SPRYD4: variants seen among roughly 807,000 people sequenced by gnomAD.
The protein encoded by SPRYD4 is SPRY domain containing 4.
In SPRYD4, 12 loss-of-function variants were observed where a neutral mutation model predicts 16.6. That is an observed-to-expected ratio of 0.72 (90% CI 0.46 to 1.17). The LOEUF (loss-of-function observed/expected upper bound fraction) is 1.17. Among genes scored for constraint, SPRYD4 ranks in the 50% most tolerant of loss-of-function variants. SPRYD4 has a pLI of 0.00. For missense variants in SPRYD4, 260 were observed against 260.2 expected, an observed-to-expected ratio of 1.00 and a Z score of 0.00; for synonymous variants, 98 against 105.4, an observed-to-expected ratio of 0.93 and a Z score of 0.43.
Position 56,475,998 on chromosome 12 carries a change from G to A in SPRYD4, c.*6421G>A. ...TCCATCTGCAGAGAAAGAGAGAGATGTCAGCATTCTAAGTGTAGGAGGATG... is the reference window on the plus strand; with the variant it reads ...TCCATCTGCAGAGAAAGAGAGAGATATCAGCATTCTAAGTGTAGGAGGATG... On this transcript the variant is annotated 3_prime_UTR_variant, in exon 2 of 2. Coordinates refer to ENST00000338146, the MANE Select transcript of SPRYD4 (RefSeq NM_207344.4). 6.2e-7 allele frequency: 1 copy of A among 1,611,116 alleles called. No homozygotes were observed. Among genetic ancestry groups the A allele is most frequent in the Non-Finnish European group, 8.5e-7 (1 of 1,179,340 alleles).
In SPRYD4 at chr12:56,475,784, C is replaced by T. The variant is rs1278531572; in HGVS notation, c.*6207C>T. 1 of 1,381,926 alleles carries T rather than the reference C, an allele frequency of 7.2e-7. No individual in the cohort carries two copies. The highest frequency in any genetic ancestry group is 1.0e-6 in the Non-Finnish European group (1 of 988,798). The allele number at this position is 1,381,926 out of a possible 1,614,324, so 85.6% of individuals were successfully genotyped here. ...TCTGAACTCAGGTCTTGTCAAGAGGCTTTCCTCTCTGAGGCCAGCAGATTT... is the reference window on the plus strand; with the variant it reads ...TCTGAACTCAGGTCTTGTCAAGAGGTTTTCCTCTCTGAGGCCAGCAGATTT... On this transcript the variant is annotated 3_prime_UTR_variant, in exon 2 of 2. Transcript: ENST00000338146.
In SPRYD4 at chr12:56,473,072, A is replaced by G. The variant is rs538477131; in HGVS notation, c.*3495A>G. Reference sequence around the variant, plus strand: ...GTCTGGCTAATTTTTTGTATTTTCAATAGAGACCAGGTTTCACCGTGTTAG... The same window carrying G: ...GTCTGGCTAATTTTTTGTATTTTCAGTAGAGACCAGGTTTCACCGTGTTAG... On this transcript the variant is annotated 3_prime_UTR_variant, in exon 2 of 2. Coordinates refer to ENST00000338146, the MANE Select transcript of SPRYD4 (RefSeq NM_207344.4). 5.5e-5 allele frequency: 38 copies of G among 691,794 alleles called. No individual in the cohort carries two copies. Among genetic ancestry groups the G allele is most frequent in the Admixed American group, 2.4e-4 (8 of 33,352 alleles). 42.9% of individuals were successfully genotyped at this position (691,794 alleles called of 1,614,324 possible). A position where few individuals can be genotyped will look rare whatever the true frequency, so the allele number is the denominator to read the frequency against.
rs1214525100 is a variant in SPRYD4, at chr12:56,470,681, CGAGG to C, written c.*1105_*1108del. The stretch of plus-strand genomic sequence containing the variant: ...CATTTCTGCCACAGTTGGAACTTCC[CGAGG>C]AAGGAAGGAGGCCTGAGGTTTTGCA... On this transcript the variant is annotated 3_prime_UTR_variant, in exon 2 of 2. Transcript: ENST00000338146. The C allele has an allele frequency of 6.6e-6, 1 of 152,088 alleles. No individual in the cohort carries two copies. Among genetic ancestry groups the C allele is most frequent in the Non-Finnish European group, 1.5e-5 (1 of 68,040 alleles). 9.4% of individuals were successfully genotyped at this position (152,088 alleles called of 1,614,324 possible). A position where few individuals can be genotyped will look rare whatever the true frequency, so the allele number is the denominator to read the frequency against.
In SPRYD4 at chr12:56,469,565, C is replaced by T. The variant is rs775156965; in HGVS notation, c.612C>T (p.Pro204=). The T allele has an allele frequency of 4.3e-6, 7 of 1,613,038 alleles. No homozygotes were observed. Among genetic ancestry groups the T allele is most frequent in the African/African-American group, 4.0e-5 (3 of 74,878 alleles). The change falls in exon 2 of 2, where the codon CCC becomes CCT. Residue 204 remains proline, a synonymous_variant. Coordinates refer to ENST00000338146, the MANE Select transcript of SPRYD4 (RefSeq NM_207344.4). ...ELLTHSGLEV[P]EGL is the part of the protein sequence containing the mutation. The stretch of plus-strand genomic sequence containing the variant: ...TGACCCATTCAGGGCTTGAGGTGCC[C>T]GAGGGCCTCTAGTATGTCCATTACT...
Position 56,478,613 on chromosome 12 carries a change from G to C in SPRYD4, c.*9036G>C. ...TCACCTGCTCTAGGAATCGTGTATA[G>C]AAACACATGAAGCCATGTCACCATT... On this transcript the variant is annotated 3_prime_UTR_variant, in exon 2 of 2. Coordinates refer to ENST00000338146, the MANE Select transcript of SPRYD4 (RefSeq NM_207344.4). The C allele has an allele frequency of 3.5e-6, 1 of 288,660 alleles. No homozygotes were observed. The highest frequency in any genetic ancestry group is 6.6e-6 in the Non-Finnish European group (1 of 151,174). 17.9% of individuals were successfully genotyped at this position (288,660 alleles called of 1,614,324 possible). A position where few individuals can be genotyped will look rare whatever the true frequency, so the allele number is the denominator to read the frequency against.
Position 56,469,182 on chromosome 12 carries a change from G to A in SPRYD4, c.229G>A (p.Val77Met). ...NVERFREWAV[V>M]LADTAVTSGR... ...GGAGCGCTTCCGGGAGTGGGCAGTG[G>A]TGCTGGCAGACACAGCGGTCACCAG... Residue 77 changes from valine (V) to methionine (M), a missense_variant, in exon 2 of 2, where the codon GTG (valine) becomes ATG (methionine). Physicochemically the swap from Val to Met is conservative, Grantham distance 21 (BLOSUM62 1). Coordinates refer to ENST00000338146, the MANE Select transcript of SPRYD4 (RefSeq NM_207344.4). The A allele has an allele frequency of 6.2e-7, 1 of 1,614,210 alleles. No homozygotes were observed. Among genetic ancestry groups the A allele is most frequent in the Non-Finnish European group, 8.5e-7 (1 of 1,180,036 alleles).
chr12:56,479,046 T>C lies in SPRYD4; in HGVS notation c.*9469T>C. ...CTGACCCCTCCCTTAGTCCCCTGAC[T>C]CTCACTTTGCCTCCAGTGAGCTCTT... On this transcript the variant is annotated 3_prime_UTR_variant, in exon 2 of 2. Coordinates refer to ENST00000338146, the MANE Select transcript of SPRYD4 (RefSeq NM_207344.4). The C allele has an allele frequency of 2.5e-6, 4 of 1,610,020 alleles. No homozygotes were observed. Among genetic ancestry groups the C allele is most frequent in the Non-Finnish European group, 3.4e-6 (4 of 1,178,122 alleles).
In SPRYD4 at chr12:56,477,984, C is replaced by G; in HGVS notation, c.*8407C>G. On this transcript the variant is annotated 3_prime_UTR_variant, in exon 2 of 2. Coordinates refer to ENST00000338146, the MANE Select transcript of SPRYD4 (RefSeq NM_207344.4). ...TAGCGCAGGCCACTTGGCTCTTTGC[C>G]CACAAACTTGTGCACGTAGTCAGTG... 6.2e-7 allele frequency: 1 copy of G among 1,614,204 alleles called. No individual in the cohort carries two copies. The highest frequency in any genetic ancestry group is 8.5e-7 in the Non-Finnish European group (1 of 1,180,040).
Position 56,473,173 on chromosome 12 carries a change from G to A in SPRYD4, c.*3596G>A. On this transcript the variant is annotated 3_prime_UTR_variant, in exon 2 of 2. Transcript: ENST00000338146. ...CAAAGTGCAGGGATTACAGGCGTGAGCCACCGCACCTGGCCTTTGAAATAT... is the reference window on the plus strand; with the variant it reads ...CAAAGTGCAGGGATTACAGGCGTGAACCACCGCACCTGGCCTTTGAAATAT... The A allele has an allele frequency of 2.6e-6, 4 of 1,527,602 alleles. No individual in the cohort carries two copies. The highest frequency in any genetic ancestry group is 2.7e-6 in the Non-Finnish European group (3 of 1,102,690). 94.6% of individuals were successfully genotyped at this position (1,527,602 alleles called of 1,614,324 possible). A position where few individuals can be genotyped will look rare whatever the true frequency, so the allele number is the denominator to read the frequency against.
rs151260400 is a variant in SPRYD4, at chr12:56,472,524, CTTTT to C, written c.*2951_*2954del. 2 of 648,740 alleles carry C rather than the reference CTTTT, an allele frequency of 3.1e-6. No homozygotes were observed. Among genetic ancestry groups the C allele is most frequent in the Non-Finnish European group, 5.3e-6 (2 of 375,256 alleles). The allele number at this position is 648,740 out of a possible 1,614,324, so 40.2% of individuals were successfully genotyped here. The stretch of plus-strand genomic sequence containing the variant: ...TAATTATCATAGAGCAGACAGTTTA[CTTTT>C]TTTAAAAAAAATCTCCTTTTTTAAA... On this transcript the variant is annotated 3_prime_UTR_variant, in exon 2 of 2. Transcript: ENST00000338146.
At position 56,468,632 on chromosome 12, in the gene SPRYD4, GGGGAGCCAAACGATT is replaced by G; in HGVS notation, c.47_61del (p.Ala16_Gly20del). 6.2e-7 allele frequency: 1 copy of G among 1,614,026 alleles called. No individual in the cohort carries two copies. Among genetic ancestry groups the G allele is most frequent in the Non-Finnish European group, 8.5e-7 (1 of 1,179,986 alleles). On this transcript the variant is annotated inframe_deletion, in exon 1 of 2. Coordinates refer to ENST00000338146, the MANE Select transcript of SPRYD4 (RefSeq NM_207344.4). ...GCACGTTCTTTGCGCTTGTGCCGCT[GGGGAGCCAAACGATT>G]GGGAGTTGCCTCCACAGAGGCCCAG... is the stretch of plus-strand genomic sequence containing the variant.
Position 56,477,752 on chromosome 12 carries a change from A to G in SPRYD4, c.*8175A>G, listed in dbSNP as rs2136187496. 6.3e-7 allele frequency: 1 copy of G among 1,597,430 alleles called. No homozygotes were observed. Among genetic ancestry groups the G allele is most frequent in the Non-Finnish European group, 8.5e-7 (1 of 1,170,654 alleles). ...ATACAAACCACCAAGAGTCTTAGCC[A>G]CTGAACAAAGCCTCCCTGACAGCCC... On this transcript the variant is annotated 3_prime_UTR_variant, in exon 2 of 2. Transcript: ENST00000338146.
chr12:56,475,160 G>A lies in SPRYD4; in HGVS notation c.*5583G>A, dbSNP rs1188326852. 1 of 1,611,562 alleles carries A rather than the reference G, an allele frequency of 6.2e-7. No individual in the cohort carries two copies. Among genetic ancestry groups the A allele is most frequent in the Admixed American group, 1.7e-5 (1 of 60,008 alleles). On this transcript the variant is annotated 3_prime_UTR_variant, in exon 2 of 2. Coordinates refer to ENST00000338146, the MANE Select transcript of SPRYD4 (RefSeq NM_207344.4). The stretch of plus-strand genomic sequence containing the variant: ...CTTGAAGTTGGAGGAGTGGGTGTTG[G>A]GAGAAGGGGAAAAATTACCTTCCCT...
Position 56,475,081 on chromosome 12 carries a change from C to T in SPRYD4, c.*5504C>T, listed in dbSNP as rs760689226. 4 of 1,614,130 alleles carry T rather than the reference C, an allele frequency of 2.5e-6. No individual in the cohort carries two copies. In the East Asian group the frequency reaches 6.7e-5, roughly 27 times the overall value. The stretch of plus-strand genomic sequence containing the variant: ...GAGATAATAGCCGATGGCATAATTC[C>T]GATCCCCTGTTTCCTTCTCTGACTG... On this transcript the variant is annotated 3_prime_UTR_variant, in exon 2 of 2. Coordinates refer to ENST00000338146, the MANE Select transcript of SPRYD4 (RefSeq NM_207344.4).
Position 56,477,959 on chromosome 12 carries a change from T to A in SPRYD4, c.*8382T>A, listed in dbSNP as rs1284436192. ...TTCCTCATTGAGGGAGAGCTTGTTG[T>A]AGCGCAGGCCACTTGGCTCTTTGCC... is the stretch of plus-strand genomic sequence containing the variant. On this transcript the variant is annotated 3_prime_UTR_variant, in exon 2 of 2. Transcript: ENST00000338146. 1 of 1,613,968 alleles carries A rather than the reference T, an allele frequency of 6.2e-7. No individual in the cohort carries two copies. The highest frequency in any genetic ancestry group is 8.5e-7 in the Non-Finnish European group (1 of 1,179,840).
Position 56,475,863 on chromosome 12 carries a change from G to A in SPRYD4, c.*6286G>A. Reference sequence around the variant, plus strand: ...ATGGGCTGGTGCACCTGGTAGTGGGGTTAGAGAGCCACTGGGGCAGCTGGA... The same window carrying A: ...ATGGGCTGGTGCACCTGGTAGTGGGATTAGAGAGCCACTGGGGCAGCTGGA... On this transcript the variant is annotated 3_prime_UTR_variant, in exon 2 of 2. Transcript: ENST00000338146. 2.7e-6 allele frequency: 4 copies of A among 1,504,192 alleles called. No homozygotes were observed. Among genetic ancestry groups the A allele is most frequent in the African/African-American group, 1.4e-5 (1 of 72,794 alleles). 93.2% of individuals were successfully genotyped at this position (1,504,192 alleles called of 1,614,324 possible).
chr12:56,474,910 A>G lies in SPRYD4; in HGVS notation c.*5333A>G, dbSNP rs759926117. On this transcript the variant is annotated 3_prime_UTR_variant, in exon 2 of 2. Transcript: ENST00000338146. Reference sequence around the variant, plus strand: ...CTTAGGAAAGCACTGCAAGGAAGAGAGGGGAGAGCATTTCTCTTCAGGACA... The same window carrying G: ...CTTAGGAAAGCACTGCAAGGAAGAGGGGGGAGAGCATTTCTCTTCAGGACA... The G allele has an allele frequency of 4.3e-6, 7 of 1,614,012 alleles. No homozygotes were observed. Among genetic ancestry groups the G allele is most frequent in the Non-Finnish European group, 5.9e-6 (7 of 1,180,034 alleles).
intron 1 of SPRYD4, 134 bp from the exon 2 acceptor site, chr12:56,468,903 ACT>A (rs1317491152): frequency 6.6e-6 from 8 of 1,209,120 alleles, no homozygotes; most frequent in Middle Eastern, 2.7e-4. Flanking sequence ...CGACCTCGCG[ACT>A]CTCTTGCCCG....
rs771945119 is a variant in SPRYD4 at position 56,468,674 on chromosome 12, G to A, written c.83G>A (p.Arg28Lys). 2.5e-6 allele frequency: 4 copies of A among 1,613,704 alleles called. No individual in the cohort carries two copies. Among genetic ancestry groups the A allele is most frequent in the Admixed American group, 1.7e-5 (1 of 60,018 alleles). Residue 28 changes from arginine to lysine, a missense_variant and splice_region_variant, in exon 1 of 2, where the codon AGA becomes AAA. Arg to Lys is a conservative substitution (Grantham distance 26, BLOSUM62 2). Coordinates refer to ENST00000338146, the MANE Select transcript of SPRYD4 (RefSeq NM_207344.4). Reference protein sequence around the residue: ...RLGVASTEAQRGVSFKLEEKT... With the variant: ...RLGVASTEAQKGVSFKLEEKT... Reference sequence around the variant, plus strand: ...GGAGTTGCCTCCACAGAGGCCCAGAGAGGTAGGATTATCTCTTTTTACTCT... The same window carrying A: ...GGAGTTGCCTCCACAGAGGCCCAGAAAGGTAGGATTATCTCTTTTTACTCT...
Sources: allele counts gnomAD v4.1 joint callset, GRCh38; gene constraint gnomAD v4.1.1; transcripts MANE v1.5; gene names NCBI Gene and HGNC (gene_info 2026-07-23, HGNC 2026-07-21).